TET3: variants seen among roughly 807,000 people sequenced by gnomAD.
The protein encoded by TET3 is tet methylcytosine dioxygenase 3.
A neutral mutation model predicts 141.4 loss-of-function variants in TET3; 19 were observed. The ratio of observed to expected loss-of-function variants is 0.13; its 90% CI spans 0.09 to 0.20. TET3 has a LOEUF of 0.20. TET3 is among the 10% of genes least tolerant of loss of function. TET3 has a pLI of 1.00. For missense variants in TET3, 1,874 were observed against 2,356.9 expected (o/e 0.80, Z 4.24); for synonymous variants, 1,043 against 980.9 (o/e 1.06, Z -1.18).
chr2:74,098,300 C>T (rs1325078102), intron 10 of TET3, among the ~76,000 whole-genome samples: 2 of 152,090 alleles, frequency 1.3e-5, no homozygotes, highest in Non-Finnish European at 2.9e-5. Context: ...ATGAGATTAA[C>T]ACATTGATAC....
rs142757625 is a variant in TET3 at position 74,076,375 on chromosome 2, C to T, written c.2585+2736C>T. Among the ~76,000 whole-genome samples the T allele has an allele frequency of 5.5e-3, 820 of 149,572 alleles. 5 individuals are homozygous for T. Among genetic ancestry groups the T allele is most frequent in the African/African-American group, 0.019 (777 of 40,720 alleles). ...GTAAACTTGGAGTCAGATTTGTGTA[C>T]CCCATCAGGAGGAAGGTAATTTCTC... is the stretch of plus-strand genomic sequence containing the variant. On this transcript the variant is annotated intron_variant, in intron 5 of 11. Coordinates refer to ENST00000409262, the MANE Select transcript of TET3 (RefSeq NM_001287491.2).
At chr2:74,058,392 T>G (rs1163060942) in intron 4 of TET3, among the ~76,000 whole-genome samples, 1 of 151,938 alleles carries the variant, frequency 6.6e-6, no homozygotes, top group Admixed American at 6.6e-5. Context: ...GAGTCAAAGG[T>G]GGAATAGAAA....
intron 4 of TET3, among the ~76,000 whole-genome samples, chr2:74,066,137 A>C (rs1688886107): frequency 6.6e-6 from 1 of 152,148 alleles, no homozygotes; most frequent in Non-Finnish European, 1.5e-5. Context: ...CTAGAATGTC[A>C]TTGCTCTTAT....
At chr2:74,010,964 G>A (rs1307345528) in intron 3 of TET3, among the ~76,000 whole-genome samples, 1 of 152,192 alleles carries the variant, frequency 6.6e-6, no homozygotes, top group Non-Finnish European at 1.5e-5. Context: ...AAGGCTGGGT[G>A]CAGTGGCTCA....
chr2:74,050,548 CG>C (rs1260253573), intron 4 of TET3, among the ~76,000 whole-genome samples: 1 of 152,032 alleles, frequency 6.6e-6, no homozygotes, highest in Non-Finnish European at 1.5e-5. Flanking sequence ...AAGGACTTTG[CG>C]GTTTCCTTTT....
intron 10 of TET3, among the ~76,000 whole-genome samples, chr2:74,094,303 G>A (rs968996774): frequency 1.3e-5 from 2 of 152,176 alleles, no homozygotes; most frequent in South Asian, 2.1e-4. Flanking sequence ...TGCAGGCTCC[G>A]AGCGGGGAGC....
chr2:74,018,155 C>T (rs985855012), intron 3 of TET3, among the ~76,000 whole-genome samples: 6 of 151,706 alleles, frequency 4.0e-5, no homozygotes, highest in East Asian at 1.9e-4. Flanking sequence ...TTAGTAGAGA[C>T]GGGGCTTCTC....
At chr2:74,009,062 C>T (rs1685294136) in intron 3 of TET3, among the ~76,000 whole-genome samples, 1 of 152,174 alleles carries the variant, frequency 6.6e-6, no homozygotes, top group Non-Finnish European at 1.5e-5. Context: ...CCTCCTTTGC[C>T]TCCTCTGCAG....
At chr2:74,041,487 T>C (rs1178848149) in intron 3 of TET3, among the ~76,000 whole-genome samples, 1 of 152,132 alleles carries the variant, frequency 6.6e-6, no homozygotes, top group African/African-American at 2.4e-5. Context: ...CCTGTTCAGG[T>C]CAGGTCATAG....
At chr2:74,003,703 T>C (rs1573661326) in intron 3 of TET3, among the ~76,000 whole-genome samples, 1 of 146,028 alleles carries the variant, frequency 6.8e-6, no homozygotes, top group South Asian at 2.2e-4. Flanking sequence ...TTGGGTAGGG[T>C]GGGGGCTGAT....
At chr2:74,109,781 A>C (rs984551028), downstream of TET3, among the ~76,000 whole-genome samples, 7 of 152,204 alleles carry the variant, frequency 4.6e-5, no homozygotes, top group African/African-American at 1.7e-4. Flanking sequence ...AGAAATGAGC[A>C]ATTTGTTCCA....
chr2:74,063,294 G>A (rs1489309166), intron 4 of TET3, among the ~76,000 whole-genome samples: 2 of 152,052 alleles, frequency 1.3e-5, no homozygotes, highest in African/African-American at 2.4e-5. Context: ...AGGTTAAGGT[G>A]GTAAGAGCAA....
the TET3 span, among the ~76,000 whole-genome samples, chr2:74,124,914 T>A: frequency 1.0e-5 from 1 of 97,628 alleles, no homozygotes; most frequent in Non-Finnish European, 2.1e-5. Flanking sequence ...CACCCAAGAA[T>A]GATCAATAAA....
At chr2:74,125,715 T>C in the TET3 span, among the ~76,000 whole-genome samples, 2 of 152,132 alleles carry the variant, frequency 1.3e-5, no homozygotes, top group East Asian at 3.9e-4. Flanking sequence ...TTTTTAACTT[T>C]ATAGAGATGA....
chr2:74,105,298 A>C lies in TET3; in HGVS notation c.*3122A>C, dbSNP rs1691433729. The stretch of plus-strand genomic sequence containing the variant: ...GACACCATCCACGTGCAGTGCAAAC[A>C]TTTGGTTCCTTTTCTGCTCTGTTTT... On this transcript the variant is annotated 3_prime_UTR_variant, in exon 12 of 12. Transcript: ENST00000409262. The C allele has an allele frequency of 2.5e-6, 1 of 398,514 alleles. No individual in the cohort carries two copies. The highest frequency in any genetic ancestry group is 1.3e-4 in the South Asian group (1 of 7,852). The allele number at this position is 398,514 out of a possible 1,614,324, so 24.7% of individuals were successfully genotyped here.
chr2:74,081,373 G>T (rs1453765309), intron 6 of TET3, among the ~76,000 whole-genome samples: 1 of 152,260 alleles, frequency 6.6e-6, no homozygotes, highest in African/African-American at 2.4e-5. Flanking sequence ...ATGGGTGGAA[G>T]ACGAGGGCTC....
At chr2:74,000,348 G>T (rs1359660277) in intron 2 of TET3, among the ~76,000 whole-genome samples, 1 of 152,196 alleles carries the variant, frequency 6.6e-6, no homozygotes, top group African/African-American at 2.4e-5. Context: ...CCCCGCCCAC[G>T]TGGGAGGACT....
chr2:74,089,965 G>A lies in TET3; in HGVS notation c.2957G>A (p.Trp986Ter). 1 of 1,614,076 alleles carries A rather than the reference G, an allele frequency of 6.2e-7. No homozygotes were observed. The highest frequency in any genetic ancestry group is 8.5e-7 in the Non-Finnish European group (1 of 1,179,910). ...GCCTCCTTCTCCTTTGGTTGTTCCTGGAGCATGTACTTCAACGGCTGCAAG... is the reference window on the plus strand; with the variant it reads ...GCCTCCTTCTCCTTTGGTTGTTCCTAGAGCATGTACTTCAACGGCTGCAAG... The part of the protein sequence containing the change: ...CGASFSFGCS[W>*]SMYFNGCKYA... The change falls in exon 8 of 12, where the codon TGG (tryptophan) becomes TAG (stop). Residue 986 changes from tryptophan (W) to a stop codon, truncating the protein, a stop_gained. Coordinates refer to ENST00000409262, the MANE Select transcript of TET3 (RefSeq NM_001287491.2). LOFTEE classifies it high-confidence loss of function.
chr2:74,046,855 C>T lies in TET3; in HGVS notation c.938C>T (p.Ala313Val). 1 of 1,613,426 alleles carries T rather than the reference C, an allele frequency of 6.2e-7. No individual in the cohort carries two copies. The change falls in exon 4 of 12, where the codon GCC becomes GTC. Residue 313 changes from alanine to valine, a missense_variant. Around this residue, in one of 10 missense-constraint regions of TET3, gnomAD observed 366 missense variants for 487.0 expected, o/e 0.75. Transcript: ENST00000409262. The surrounding 1 kb of genome is among the most constrained non-coding windows in gnomAD (Gnocchi z 4.3). ...RLPGPLPPGE[A>V]GLPAPSTRPL... Reference sequence around the variant, plus strand: ...CCAGGGCCTCTGCCTCCTGGTGAGGCCGGCCTCCCAGCACCAAGCACCAGG... The same window carrying T: ...CCAGGGCCTCTGCCTCCTGGTGAGGTCGGCCTCCCAGCACCAAGCACCAGG...
Sources: gnomAD v4.1 joint callset for allele counts (sites outside exome capture counted in the v4.1 genomes callset) on GRCh38, gnomAD v4.1.1 for gene constraint, gnomAD v4.1.1 regional missense constraint, Gnocchi (gnomAD v3.1) non-coding constraint, MANE v1.5 for transcripts, NCBI Gene and HGNC (gene_info 2026-07-23, HGNC 2026-07-21) for gene names.